Variants in ZNF469 observed in about 807,000 individuals in gnomAD.
The protein encoded by ZNF469 is zinc finger protein 469.
Under a neutral mutation model 1.0 loss-of-function variants are expected in ZNF469, and 1 was observed. The ratio of observed to expected loss-of-function variants is 1.00; its 90% confidence interval spans 0.35 to 4.73. The LOEUF (loss-of-function observed/expected upper bound fraction) is 4.73, where lower values mean the gene tolerates loss of function less well. Among genes scored for constraint, ZNF469 ranks in the 30% most tolerant of loss-of-function variants. ZNF469 has a pLI of 0.16. For synonymous variants in ZNF469, 2,703 were observed against 2,363.4 expected, an observed-to-expected ratio of 1.14 and a Z score of -4.17; for missense variants, 6,100 against 5,356.3, an observed-to-expected ratio of 1.14 and a Z score of -4.33.
chr16:88,415,459 G>A (rs1381540442), intron 1 of ZNF469, among the ~76,000 whole-genome samples: 1 of 152,156 alleles, frequency 6.6e-6, no homozygotes, highest in African/African-American at 2.4e-5. Context: ...GGCCTGTGCT[G>A]CGGGGGGCAG....
In ZNF469 at chr16:88,431,913, G is replaced by A. The variant is rs547585456; in HGVS notation, c.4443G>A (p.Pro1481=). ...SLSANRDSGL[P]FACADPPQKT... is the part of the protein sequence containing the mutation. ...CTGCGAACAGGGACTCCGGTCTGCC[G>A]TTCGCATGTGCCGACCCTCCCCAGA... is the stretch of plus-strand genomic sequence containing the variant. The change falls in exon 3 of 3, where the codon CCG becomes CCA. Residue 1481 remains proline (P), a synonymous_variant. Transcript: ENST00000565624. 2.9e-5 allele frequency: 45 copies of A among 1,549,610 alleles called. No individual in the cohort carries two copies. Among genetic ancestry groups the A allele is most frequent in the African/African-American group, 6.8e-5 (5 of 73,146 alleles).
the ZNF469 span, among the ~76,000 whole-genome samples, chr16:88,128,444 C>G: frequency 6.6e-6 from 1 of 152,080 alleles, no homozygotes; most frequent in African/African-American, 2.4e-5. Context: ...CTGTTCTCAC[C>G]CTCCAACCCT....
At chr16:88,236,945 A>G in the ZNF469 span, among the ~76,000 whole-genome samples, 1 of 152,106 alleles carries the variant, frequency 6.6e-6, no homozygotes, top group Non-Finnish European at 1.5e-5. Context: ...TTCTTAATTA[A>G]TAAACTATTT....
chr16:88,142,878 C>T, the ZNF469 span, among the ~76,000 whole-genome samples: 6 of 152,330 alleles, frequency 3.9e-5, no homozygotes, highest in African/African-American at 1.4e-4. Flanking sequence ...AAGGGTGGGA[C>T]GGATGGCATC....
chr16:88,256,050 C>A, the ZNF469 span, among the ~76,000 whole-genome samples: 3 of 152,118 alleles, frequency 2.0e-5, no homozygotes, highest in African/African-American at 7.2e-5. Flanking sequence ...TGGTACTTGT[C>A]CAAAATGGCG....
chr16:88,276,365 TCTC>T, the ZNF469 span: 3 of 152,202 alleles, frequency 2.0e-5, no homozygotes, highest in Admixed American at 2.0e-4. Context: ...AGCTGGCCCC[TCTC>T]CTCCACGGGG....
chr16:88,406,327 G>A (rs1263778472), intron 1 of ZNF469, among the ~76,000 whole-genome samples: 1 of 152,216 alleles, frequency 6.6e-6, no homozygotes, highest in Admixed American at 6.5e-5. Flanking sequence ...TGTGTGGAAT[G>A]TGTCTCAGGA....
At chr16:88,363,138 C>T in the ZNF469 span, among the ~76,000 whole-genome samples, 8 of 152,092 alleles carry the variant, frequency 5.3e-5, no homozygotes, top group African/African-American at 9.7e-5. Context: ...AACCTTGAGC[C>T]TAGTAAAAGA....
chr16:88,348,585 G>C, the ZNF469 span, among the ~76,000 whole-genome samples: 1 of 152,206 alleles, frequency 6.6e-6, no homozygotes, highest in African/African-American at 2.4e-5. Context: ...AGGGAGTGGG[G>C]GTCCAACAGT....
At chr16:88,193,102 A>G in the ZNF469 span, among the ~76,000 whole-genome samples, 43 of 30,528 alleles carry the variant, frequency 1.4e-3, no homozygotes, top group African/African-American at 2.3e-3. Context: ...GATGGTGTTG[A>G]TGGTGGTGGT....
chr16:88,251,971 C>T, the ZNF469 span, among the ~76,000 whole-genome samples: 6 of 151,156 alleles, frequency 4.0e-5, no homozygotes, highest in Non-Finnish European at 7.4e-5. Flanking sequence ...AGGCTATGCT[C>T]AGATTTAGGG....
upstream of ZNF469, among the ~76,000 whole-genome samples, chr16:88,381,879 C>T (rs948596089): frequency 2.7e-4 from 41 of 152,242 alleles, no homozygotes; most frequent in Admixed American, 2.0e-4. Context: ...GAGGGGCAGG[C>T]CCACTCATTG....
the ZNF469 span, among the ~76,000 whole-genome samples, chr16:88,109,358 G>A: frequency 1.3e-5 from 2 of 152,234 alleles, no homozygotes; most frequent in Non-Finnish European, 2.9e-5. Context: ...GTTGCTCCAA[G>A]GAGCCTCTGC....
In ZNF469 at chr16:88,435,479, G is replaced by A. The variant is rs1403530482; in HGVS notation, c.8009G>A (p.Ser2670Asn). ...TCCAGACCATCCCCTGCAATGGCCA[G>A]TTACGCAGCCTCTCCGAGCCACTGC... ...RGSRPSPAMA[S>N]YAASPSHCLS... Residue 2670 changes from serine to asparagine, a missense_variant, in exon 3 of 3, where the codon AGT becomes AAT. Ser to Asn is a conservative substitution (Grantham distance 46, BLOSUM62 1). Transcript: ENST00000565624. The A allele has an allele frequency of 3.2e-6, 5 of 1,549,224 alleles. No homozygotes were observed. Among genetic ancestry groups the A allele is most frequent in the Middle Eastern group, 1.7e-4 (1 of 5,992 alleles).
chr16:88,101,627 T>G, the ZNF469 span, among the ~76,000 whole-genome samples: 1 of 151,942 alleles, frequency 6.6e-6, no homozygotes, highest in Admixed American at 6.6e-5. Flanking sequence ...CAGGACGAGT[T>G]TGGGGCTTGC....
the ZNF469 span, among the ~76,000 whole-genome samples, chr16:88,247,729 G>C: frequency 6.6e-6 from 1 of 152,010 alleles, no homozygotes; most frequent in Admixed American, 6.6e-5. Context: ...GAGCGAGTGA[G>C]TGAGTCAATG....
the ZNF469 span, among the ~76,000 whole-genome samples, chr16:88,105,718 G>A: frequency 4.3e-4 from 66 of 152,342 alleles, no homozygotes; most frequent in African/African-American, 1.5e-3. Flanking sequence ...TGAGTGCTAA[G>A]TTGTAAAGAC....
At position 88,436,959 on chromosome 16, in the gene ZNF469, G is replaced by A; in HGVS notation, c.9489G>A (p.Leu3163=). The A allele has an allele frequency of 6.7e-7, 1 of 1,498,522 alleles. No individual in the cohort carries two copies. The highest frequency in any genetic ancestry group is 8.9e-7 in the Non-Finnish European group (1 of 1,125,460). 92.8% of individuals were successfully genotyped at this position (1,498,522 alleles called of 1,614,324 possible). A position where few individuals can be genotyped will look rare whatever the true frequency, so the allele number is the denominator to read the frequency against. ...FGSRELLRGH[L]QERHAQSKAG... is the part of the protein sequence containing the mutation. ...CGCGGGAGCTGCTGCGGGGGCACCT[G>A]CAGGAGAGGCACGCGCAGAGCAAGG... The change falls in exon 3 of 3, where the codon CTG becomes CTA. Residue 3163 remains leucine (L), a synonymous_variant. Transcript: ENST00000565624.
chr16:88,350,280 G>A, the ZNF469 span, among the ~76,000 whole-genome samples: 7 of 152,150 alleles, frequency 4.6e-5, no homozygotes, highest in South Asian at 2.1e-4. Flanking sequence ...CTGCCCCCCC[G>A]TCCGCTCCCC....
Sources: allele counts gnomAD v4.1 joint callset (sites outside exome capture counted in the v4.1 genomes callset), GRCh38; gene constraint gnomAD v4.1.1; transcripts MANE v1.5; gene names NCBI Gene and HGNC (gene_info 2026-07-23, HGNC 2026-07-21).